Variants in RGS6 observed in about 807,000 individuals in gnomAD.
RGS6 encodes regulator of G protein signaling 6, also known as regulator of G-protein signaling 6.
Under a neutral mutation model 78.5 loss-of-function variants are expected in RGS6, and 30 were observed. That is an observed-to-expected ratio of 0.38 (90% CI 0.29 to 0.52). The LOEUF is 0.52. RGS6 is among the 20% of genes least tolerant of loss of function. The pLI is 0.85. For missense variants in RGS6, 495 were observed against 609.7 expected, an observed-to-expected ratio of 0.81 and a Z score of 1.98; for synonymous variants, 206 against 206.0, an observed-to-expected ratio of 1.00 and a Z score of 0.00.
chr14:72,363,989 T>C (rs1475743298), intron 3 of RGS6, among the ~76,000 whole-genome samples: 1 of 88,496 alleles, frequency 1.1e-5, no homozygotes, highest in African/African-American at 6.4e-5. Flanking sequence ...CACTTGTCAG[T>C]GGACAAGGCT....
chr14:72,151,132 G>T (rs538419215), intron 2 of RGS6, among the ~76,000 whole-genome samples: 3 of 152,266 alleles, frequency 2.0e-5, no homozygotes, highest in Non-Finnish European at 4.4e-5. Flanking sequence ...ACGAAGACCC[G>T]GGTGTGTAAC....
the RGS6 span, among the ~76,000 whole-genome samples, chr14:72,586,255 A>G: frequency 2.0e-5 from 3 of 152,188 alleles, no homozygotes; most frequent in Non-Finnish European, 4.4e-5. Context: ...TGGTGGAGGT[A>G]CGGCATGGTG....
In RGS6 at chr14:72,348,054, A is replaced by G. The variant is rs564451793; in HGVS notation, c.85-4041A>G. ...GCAAACAAAGCACTAACCTTGGCAT[A>G]TGGCGCTGCGAGAAGTTTCCTAGGA... On this transcript the variant is annotated intron_variant, in intron 2 of 17. Transcript: ENST00000553525. Among the ~76,000 whole-genome samples, 41 of 152,220 alleles carry G rather than the reference A, an allele frequency of 2.7e-4. 1 individual carries two copies. The highest frequency in any genetic ancestry group is 5.7e-4 in the Non-Finnish European group (39 of 68,040).
chr14:72,391,206 G>A (rs564701294), intron 3 of RGS6, among the ~76,000 whole-genome samples: 1 of 152,234 alleles, frequency 6.6e-6, no homozygotes, highest in African/African-American at 2.4e-5. Context: ...TTATTCTGAA[G>A]GGAATGCTTC....
chr14:72,534,847 C>CTCCCTGACCAGCTCTCCA (rs2097226665), intron 15 of RGS6, among the ~76,000 whole-genome samples: 1 of 152,186 alleles, frequency 6.6e-6, no homozygotes, highest in Admixed American at 6.5e-5. Flanking sequence ...CACTCTCCTC[C>CTCCCTGACCAGCTCTCCA]TCCCTGACCA....
At chr14:72,494,917 A>G (rs1475301448) in intron 12 of RGS6, among the ~76,000 whole-genome samples, 3 of 152,248 alleles carry the variant, frequency 2.0e-5, no homozygotes, top group Non-Finnish European at 4.4e-5. Context: ...TGAGGAAAAG[A>G]TATATAAAAT....
At chr14:72,438,393 C>T (rs184150216) in intron 3 of RGS6, among the ~76,000 whole-genome samples, 70 of 152,234 alleles carry the variant, frequency 4.6e-4, no homozygotes, top group Non-Finnish European at 7.5e-4. Context: ...CCAGCCAGCT[C>T]TCTCCCCACA....
In RGS6 at chr14:72,215,230, C is replaced by T. The variant is rs186628563; in HGVS notation, c.85-136865C>T. Among the ~76,000 whole-genome samples, 22 of 152,312 alleles carry T rather than the reference C, an allele frequency of 1.4e-4. No homozygotes were observed. The East Asian group carries it at 2.5e-3, about 17-fold the overall frequency. ...CTGTTCAAATGTGTAAAAACTCATT[C>T]TTGACTTCCAGCCAATCAGCCAGAG... On this transcript the variant is annotated intron_variant, in intron 2 of 17. Coordinates refer to ENST00000553525, the MANE Select transcript of RGS6 (RefSeq NM_001204424.2).
intron 12 of RGS6, among the ~76,000 whole-genome samples, chr14:72,481,423 CT>C (rs1258865357): frequency 1.3e-5 from 2 of 152,148 alleles, no homozygotes; most frequent in Non-Finnish European, 2.9e-5. Flanking sequence ...CACCCTCTGT[CT>C]CCCCCCAGTC....
intron 2 of RGS6, among the ~76,000 whole-genome samples, chr14:72,094,863 G>A (rs2095364649): frequency 6.6e-6 from 1 of 152,172 alleles, no homozygotes. Context: ...GTTTCTGCCA[G>A]TATATTCCAA....
At chr14:72,148,438 C>T (rs1337581101) in intron 2 of RGS6, among the ~76,000 whole-genome samples, 1 of 152,098 alleles carries the variant, frequency 6.6e-6, no homozygotes, top group East Asian at 1.9e-4. Context: ...AATGGAAAAT[C>T]ATTGATGGGT....
At chr14:72,570,867 C>T (rs1284898475), downstream of RGS6, among the ~76,000 whole-genome samples, 1 of 152,098 alleles carries the variant, frequency 6.6e-6, no homozygotes, top group Non-Finnish European at 1.5e-5. Context: ...TATTTTGATC[C>T]ATTGCATTTA....
chr14:72,628,549 A>AG, the RGS6 span, among the ~76,000 whole-genome samples: 1 of 152,212 alleles, frequency 6.6e-6, no homozygotes, highest in Non-Finnish European at 1.5e-5. Context: ...GGTCATCAAT[A>AG]GATGCTACCT....
intron 2 of RGS6, among the ~76,000 whole-genome samples, chr14:72,311,431 A>G (rs775223501): frequency 6.6e-6 from 1 of 152,174 alleles, no homozygotes; most frequent in Non-Finnish European, 1.5e-5. Flanking sequence ...TTAATGTTTA[A>G]TGCACTCTCA....
chr14:72,045,686 C>G (rs1596538405), intron 2 of RGS6, among the ~76,000 whole-genome samples: 1 of 150,644 alleles, frequency 6.6e-6, no homozygotes, highest in East Asian at 1.9e-4. Flanking sequence ...ACAAGTGTTT[C>G]TTAGCTTTTA....
At chr14:72,478,848 C>T (rs537747730) in intron 12 of RGS6, among the ~76,000 whole-genome samples, 9 of 152,326 alleles carry the variant, frequency 5.9e-5, no homozygotes, top group South Asian at 2.1e-4. Flanking sequence ...GCTTCCACAG[C>T]GGTGTGTGTG....
chr14:72,068,844 A>G (rs888134529), intron 2 of RGS6, among the ~76,000 whole-genome samples: 3 of 151,966 alleles, frequency 2.0e-5, no homozygotes, highest in Admixed American at 6.6e-5. Context: ...CTTTTTAAAA[A>G]TAAGTCTCAT....
chr14:72,499,113 C>T (rs973885604), intron 13 of RGS6, among the ~76,000 whole-genome samples: 2 of 152,262 alleles, frequency 1.3e-5, no homozygotes, highest in Non-Finnish European at 1.5e-5. Flanking sequence ...TCTATTTCCT[C>T]GCCAAGGTAC....
At chr14:72,602,415 T>C in the RGS6 span, among the ~76,000 whole-genome samples, 3,359 of 152,276 alleles carry the variant, frequency 0.022, 120 homozygotes, top group African/African-American at 0.076. Context: ...AAAGTAGGTG[T>C]CATTCTCCCC....
Sources: allele counts gnomAD v4.1 joint callset (sites outside exome capture counted in the v4.1 genomes callset), GRCh38; gene constraint gnomAD v4.1.1; transcripts MANE v1.5; gene names NCBI Gene and HGNC (gene_info 2026-07-23, HGNC 2026-07-21).